Variants in SH3RF3 observed in about 807,000 individuals in gnomAD.
The protein encoded by SH3RF3 is SH3 domain containing ring finger 3.
A neutral mutation model predicts 66.3 loss-of-function variants in SH3RF3; 29 were observed. The ratio of observed to expected loss-of-function variants is 0.44; its 90% confidence interval spans 0.33 to 0.60. The LOEUF is 0.60. SH3RF3 is among the 20% of genes least tolerant of loss of function. SH3RF3 has a pLI of 0.04. For missense variants in SH3RF3, 1,194 were observed against 1,190.9 expected, an observed-to-expected ratio of 1.00 and a Z score of -0.04; for synonymous variants, 583 against 532.0, an observed-to-expected ratio of 1.10 and a Z score of -1.32.
At chr2:109,473,817 T>TA (rs1234037293) in intron 8 of SH3RF3, among the ~76,000 whole-genome samples, 2 of 148,584 alleles carry the variant, frequency 1.3e-5, no homozygotes, top group African/African-American at 4.9e-5. Context: ...GCCAGCACCT[T>TA]AGCCGCAGGC....
At chr2:109,322,090 C>T (rs188242393) in intron 1 of SH3RF3, among the ~76,000 whole-genome samples, 29 of 151,578 alleles carry the variant, frequency 1.9e-4, no homozygotes, top group African/African-American at 5.1e-4. Flanking sequence ...GGGAGAGAAG[C>T]GGGGAGAGGG....
chr2:109,321,048 A>T (rs897635616), intron 1 of SH3RF3, among the ~76,000 whole-genome samples: 1 of 152,124 alleles, frequency 6.6e-6, no homozygotes, highest in Admixed American at 6.5e-5. Flanking sequence ...GCTCTTACTG[A>T]TAACTTATAG....
intron 1 of SH3RF3, among the ~76,000 whole-genome samples, chr2:109,223,524 A>G (rs1345020719): frequency 6.6e-6 from 1 of 152,284 alleles, no homozygotes. Flanking sequence ...AGCAGAATGG[A>G]AGCGTAGGAA....
intron 8 of SH3RF3, among the ~76,000 whole-genome samples, chr2:109,461,067 A>G (rs767642721): frequency 8.5e-5 from 13 of 152,234 alleles, no homozygotes; most frequent in African/African-American, 1.7e-4. Flanking sequence ...AAGGCAGCAT[A>G]GCAGGAGTGG....
chr2:109,199,830 A>C, intron 1 of SH3RF3, among the ~76,000 whole-genome samples: 1 of 152,228 alleles, frequency 6.6e-6, no homozygotes, highest in African/African-American at 2.4e-5. Context: ...AATGGAATGG[A>C]ATGGAATGGA....
intron 8 of SH3RF3, among the ~76,000 whole-genome samples, chr2:109,465,245 C>T (rs1678310808): frequency 6.6e-6 from 1 of 152,192 alleles, no homozygotes; most frequent in South Asian, 2.1e-4. Flanking sequence ...TTAGTTGCTT[C>T]TCAGTTTTGG....
chr2:109,151,031 C>T (rs1363847406), intron 1 of SH3RF3, among the ~76,000 whole-genome samples: 2 of 152,140 alleles, frequency 1.3e-5, no homozygotes, highest in African/African-American at 2.4e-5. Context: ...GAGTGCAATG[C>T]AAGGGAGAGG....
intron 3 of SH3RF3, among the ~76,000 whole-genome samples, chr2:109,395,429 G>T (rs1366186567): frequency 6.6e-6 from 1 of 152,202 alleles, no homozygotes; most frequent in Non-Finnish European, 1.5e-5. Flanking sequence ...GCAGCGGTTC[G>T]CCTGCCTGGC....
chr2:109,498,211 G>A (rs1373694585), intron 9 of SH3RF3, among the ~76,000 whole-genome samples: 1 of 152,184 alleles, frequency 6.6e-6, no homozygotes, highest in Admixed American at 6.5e-5. Context: ...ATAGCCCATG[G>A]GAACCAGTCC....
intron 8 of SH3RF3, among the ~76,000 whole-genome samples, chr2:109,456,140 C>T (rs578154585): frequency 1.3e-5 from 2 of 152,354 alleles, no homozygotes; most frequent in East Asian, 1.9e-4. Context: ...ACTGAAGAGT[C>T]TCATGGTCAG....
intron 1 of SH3RF3, among the ~76,000 whole-genome samples, chr2:109,305,062 T>G (rs919265413): frequency 6.6e-6 from 1 of 152,214 alleles, no homozygotes; most frequent in Non-Finnish European, 1.5e-5. Context: ...GTTCCCCGTC[T>G]GAATGTTATT....
intron 1 of SH3RF3, among the ~76,000 whole-genome samples, chr2:109,232,867 A>G (rs534749592): frequency 6.6e-5 from 10 of 152,340 alleles, no homozygotes; most frequent in African/African-American, 1.9e-4. Flanking sequence ...ACACAGTAGA[A>G]TTCACACTTT....
At chr2:109,250,283 C>T (rs576978295) in intron 1 of SH3RF3, among the ~76,000 whole-genome samples, 1 of 152,102 alleles carries the variant, frequency 6.6e-6, no homozygotes, top group East Asian at 1.9e-4. Flanking sequence ...CTGGGGAAGA[C>T]ATCTCGCCCA....
At chr2:109,153,399 C>T (rs191355387) in intron 1 of SH3RF3, among the ~76,000 whole-genome samples, 201 of 152,246 alleles carry the variant, frequency 1.3e-3, no homozygotes, top group African/African-American at 4.4e-3. Flanking sequence ...AAGGCAATTA[C>T]GCTGATTTTG....
At chr2:109,301,967 C>G (rs889063290) in intron 1 of SH3RF3, among the ~76,000 whole-genome samples, 5 of 152,202 alleles carry the variant, frequency 3.3e-5, no homozygotes, top group African/African-American at 1.2e-4. Context: ...TGCATGTCTT[C>G]CTGGACCTGT....
chr2:109,497,989 G>T (rs1377838422), intron 9 of SH3RF3, among the ~76,000 whole-genome samples: 4 of 152,196 alleles, frequency 2.6e-5, no homozygotes, highest in African/African-American at 9.6e-5. Flanking sequence ...GGATGGCGCT[G>T]ATCCTGTGGG....
chr2:109,295,727 C>T (rs1486332498), intron 1 of SH3RF3, among the ~76,000 whole-genome samples: 1 of 152,192 alleles, frequency 6.6e-6, no homozygotes, highest in East Asian at 1.9e-4. Flanking sequence ...GGGAGGTTTA[C>T]CTGGGGAGGT....
rs1431331351 is a variant in SH3RF3 at position 109,502,840 on chromosome 2, G to A, written c.*1169G>A. The A allele has an allele frequency of 1.3e-5, 2 of 152,204 alleles. No homozygotes were observed. The highest frequency in any genetic ancestry group is 4.8e-5 in the African/African-American group (2 of 41,442). The allele number at this position is 152,204 out of a possible 1,614,324, so 9.4% of individuals were successfully genotyped here. A position where few individuals can be genotyped will look rare whatever the true frequency, so the allele number is the denominator to read the frequency against. ...GAAGATGATTTCTTGGTATCAAAAT[G>A]TGCAGTTTCTACAACAGTTTAGATC... On this transcript the variant is annotated 3_prime_UTR_variant, in exon 10 of 10. Transcript: ENST00000309415.
At chr2:109,476,067 T>C (rs992893223) in intron 8 of SH3RF3, among the ~76,000 whole-genome samples, 5 of 152,230 alleles carry the variant, frequency 3.3e-5, no homozygotes, top group African/African-American at 1.2e-4. Context: ...CTGTACGGTA[T>C]GCTTAGAAAC....
Sources: gnomAD v4.1 joint callset for allele counts (sites outside exome capture counted in the v4.1 genomes callset) on GRCh38, gnomAD v4.1.1 for gene constraint, MANE v1.5 for transcripts, NCBI Gene and HGNC (gene_info 2026-07-23, HGNC 2026-07-21) for gene names.